The following EXOC6 variants were observed in gnomAD, a reference collection of about 807,000 sequenced individuals.
EXOC6 encodes the protein exocyst complex component 6.
In EXOC6, 60 loss-of-function variants were observed where a neutral mutation model predicts 112.5. That is an observed-to-expected ratio of 0.53 (90% CI 0.43 to 0.66). The LOEUF (loss-of-function observed/expected upper bound fraction) is 0.66. EXOC6 is among the 30% of genes least tolerant of loss of function. EXOC6 has a pLI of 0.00. For synonymous variants in EXOC6, 295 were observed against 308.0 expected, an observed-to-expected ratio of 0.96 and a Z score of 0.44; for missense variants, 855 against 957.1, an observed-to-expected ratio of 0.89 and a Z score of 1.41.
At chr10:92,966,948 CTGT>C (rs1842094676) in intron 17 of EXOC6, among the ~76,000 whole-genome samples, 1 of 126,374 alleles carries the variant, frequency 7.9e-6, no homozygotes. Context: ...TCTCCAGCAC[CTGT>C]TGTTTCCTGA....
intron 18 of EXOC6, among the ~76,000 whole-genome samples, chr10:92,996,838 G>T (rs1055148141): frequency 6.6e-6 from 1 of 152,098 alleles, no homozygotes; most frequent in Non-Finnish European, 1.5e-5. Context: ...CCTACCAGAT[G>T]ATTTAAAAAC....
At chr10:92,931,859 A>T (rs558690496) in intron 9 of EXOC6, among the ~76,000 whole-genome samples, 4 of 152,202 alleles carry the variant, frequency 2.6e-5, no homozygotes, top group African/African-American at 9.6e-5. Context: ...TTATACTGCC[A>T]CTTTGGAAAA....
chr10:92,849,869 C>T (rs1284543528), intron 1 of EXOC6, among the ~76,000 whole-genome samples: 2 of 152,114 alleles, frequency 1.3e-5, no homozygotes, highest in African/African-American at 4.8e-5. Context: ...CCAGGAAACT[C>T]AGAACATTAG....
intron 1 of EXOC6, among the ~76,000 whole-genome samples, chr10:92,868,570 T>C (rs1848288239): frequency 1.3e-5 from 2 of 152,150 alleles, no homozygotes; most frequent in South Asian, 4.1e-4. Context: ...TAAATTTCTC[T>C]AGTTCTAGAA....
chr10:92,994,860 G>T (rs927062616), intron 18 of EXOC6, among the ~76,000 whole-genome samples: 1 of 151,710 alleles, frequency 6.6e-6, no homozygotes, highest in African/African-American at 2.4e-5. Context: ...ATATTTTCGG[G>T]TGTGTAAATT....
chr10:92,994,578 T>C (rs1159037366), intron 18 of EXOC6, among the ~76,000 whole-genome samples: 1 of 152,108 alleles, frequency 6.6e-6, no homozygotes, highest in Non-Finnish European at 1.5e-5. Flanking sequence ...GCAAGAGAAA[T>C]TTTGAGGTGC....
intron 17 of EXOC6, among the ~76,000 whole-genome samples, chr10:92,956,535 T>A (rs1450993300): frequency 6.6e-6 from 1 of 152,152 alleles, no homozygotes; most frequent in East Asian, 1.9e-4. Context: ...TAATTTAGTG[T>A]TAACATTTAA....
intron 6 of EXOC6, among the ~76,000 whole-genome samples, chr10:92,912,596 A>C (rs1161385592): frequency 6.6e-6 from 1 of 152,218 alleles, no homozygotes; most frequent in East Asian, 1.9e-4. Context: ...AGAGATAAAA[A>C]TTTACAATAC....
At chr10:93,007,537 C>T (rs1844051639) in intron 19 of EXOC6, among the ~76,000 whole-genome samples, 1 of 152,062 alleles carries the variant, frequency 6.6e-6, no homozygotes, top group Non-Finnish European at 1.5e-5. Flanking sequence ...CCTATAATCC[C>T]AGCTACTCTG....
chr10:93,023,416 C>CT lies in EXOC6; in HGVS notation c.2169+9152dup, dbSNP rs202045487. On this transcript the variant is annotated intron_variant, in intron 20 of 21. Transcript: ENST00000260762. ...AATAGCTGACCTGTGATTGAAAAGA[C>CT]TTTATCATCCTGCCAATCACATACT... 5.8e-3 allele frequency among the ~76,000 whole-genome samples: 877 copies of CT among 152,320 alleles called. 8 individuals are homozygous for CT. The highest frequency in any genetic ancestry group is 0.02 in the African/African-American group (818 of 41,572).
chr10:92,837,699 A>G (rs1846707040), intron 1 of EXOC6, among the ~76,000 whole-genome samples: 1 of 152,110 alleles, frequency 6.6e-6, no homozygotes, highest in Non-Finnish European at 1.5e-5. Context: ...AAAGAAAACT[A>G]TAAGCTATAA....
chr10:92,927,789 A>C (rs1851806968), intron 8 of EXOC6, among the ~76,000 whole-genome samples: 1 of 152,238 alleles, frequency 6.6e-6, no homozygotes, highest in South Asian at 2.1e-4. Context: ...TTCTCAAGGA[A>C]GTGATATCTC....
At chr10:92,995,486 A>G (rs1409250310) in intron 18 of EXOC6, among the ~76,000 whole-genome samples, 3 of 152,216 alleles carry the variant, frequency 2.0e-5, no homozygotes, top group South Asian at 2.1e-4. Context: ...TGCATAGGAC[A>G]TGGAGCTGAT....
intron 6 of EXOC6, among the ~76,000 whole-genome samples, chr10:92,911,883 T>C (rs954564175): frequency 9.2e-5 from 14 of 151,640 alleles, no homozygotes; most frequent in Non-Finnish European, 1.5e-5. Context: ...TCATGCTACC[T>C]TTCAATTTCT....
At chr10:92,925,863 A>G (rs1478570750) in intron 8 of EXOC6, among the ~76,000 whole-genome samples, 2 of 152,032 alleles carry the variant, frequency 1.3e-5, no homozygotes, top group East Asian at 1.9e-4. Context: ...ATAGCTTGAC[A>G]TGCTGCCTAG....
intron 19 of EXOC6, among the ~76,000 whole-genome samples, chr10:93,003,294 G>T (rs1843836489): frequency 6.6e-6 from 1 of 152,094 alleles, no homozygotes; most frequent in Non-Finnish European, 1.5e-5. Context: ...TAGTGGGGGA[G>T]GTGGAAAGGT....
chr10:93,057,135 A>C, intron 21 of EXOC6, 99 bp downstream of exon 21: 1 of 633,836 alleles, frequency 1.6e-6, no homozygotes, highest in Non-Finnish European at 2.6e-6. Context: ...AGAAAAGTCT[A>C]GATGGAGCTT....
Position 93,054,916 on chromosome 10 carries a change from A to G in EXOC6, c.2170-2008A>G, listed in dbSNP as rs1422109694. On this transcript the variant is annotated intron_variant, in intron 20 of 21. Transcript: ENST00000260762. ...ATATATAAACCTTATTTATAACTATAGTATTAACACATATCCATTGTAGAG... is the reference window on the plus strand; with the variant it reads ...ATATATAAACCTTATTTATAACTATGGTATTAACACATATCCATTGTAGAG... 2.6e-5 allele frequency among the ~76,000 whole-genome samples: 4 copies of G among 151,360 alleles called. No homozygotes were observed. In the East Asian group the frequency reaches 7.7e-4, roughly 29 times the overall value.
intron 5 of EXOC6, among the ~76,000 whole-genome samples, chr10:92,909,219 T>A (rs1385321078): frequency 6.6e-6 from 1 of 152,180 alleles, no homozygotes; most frequent in Non-Finnish European, 1.5e-5. Context: ...TTTACATTAA[T>A]GTATGCCATC....
Sources: allele counts gnomAD v4.1 joint callset (sites outside exome capture counted in the v4.1 genomes callset), GRCh38; gene constraint gnomAD v4.1.1; transcripts MANE v1.5; gene names NCBI Gene and HGNC (gene_info 2026-07-23, HGNC 2026-07-21).